The following CCNF variants were observed in gnomAD, a reference collection of about 807,000 sequenced individuals.
The protein encoded by CCNF is cyclin-F.
In CCNF, 30 loss-of-function variants were observed where a neutral mutation model predicts 85.4. The observed-to-expected ratio is 0.35, with a 90% confidence interval of 0.26 to 0.48. The LOEUF is 0.48. Among genes scored for constraint, CCNF ranks in the 20% least tolerant of loss-of-function variants. The pLI, the probability that CCNF is intolerant of heterozygous loss-of-function variation, is 0.99. For synonymous variants in CCNF, 439 were observed against 425.1 expected (o/e 1.03, Z -0.40); for missense variants, 919 against 1,010.4 (o/e 0.91, Z 1.23).
Position 2,456,304 on chromosome 16 carries a change from C to T in CCNF, c.1886-241C>T, listed in dbSNP as rs184457545. 9 of 457,938 alleles carry T rather than the reference C, an allele frequency of 2.0e-5. No homozygotes were observed. Among genetic ancestry groups the T allele is most frequent in the Admixed American group, 7.8e-5 (2 of 25,630 alleles). 28.4% of individuals were successfully genotyped at this position (457,938 alleles called of 1,614,324 possible). On this transcript the variant is annotated intron_variant, in intron 16 of 16. Transcript: ENST00000397066. The surrounding 1 kb of genome is among the most constrained non-coding windows in gnomAD (Gnocchi z 4.5). Reference sequence around the variant, plus strand: ...TCAGTTTCCCGGTTGCTTGCTTCTGCGTCCACTTGGCTTGAGCTAGATGGC... The same window carrying T: ...TCAGTTTCCCGGTTGCTTGCTTCTGTGTCCACTTGGCTTGAGCTAGATGGC...
chr16:2,432,852 C>A, intron 2 of CCNF, 109 bp from the exon 3 acceptor site: 1 of 598,486 alleles, frequency 1.7e-6, no homozygotes, highest in Non-Finnish European at 3.0e-6. Context: ...CTTGGGATGG[C>A]GAGGGAGACA....
At position 2,449,386 on chromosome 16, in the gene CCNF, C is replaced by T; in HGVS notation, c.1323C>T (p.His441=). The T allele has an allele frequency of 6.2e-7, 1 of 1,612,780 alleles. No homozygotes were observed. The highest frequency in any genetic ancestry group is 8.5e-7 in the Non-Finnish European group (1 of 1,179,970). The change falls in exon 12 of 17, where the codon CAC becomes CAT. Residue 441 remains histidine (H), a synonymous_variant. Transcript: ENST00000397066. ...CSFLCELSLL[H]TSLSAYAPAR... ...TCCTCTGCGAGCTCTCCCTGCTGCACACCAGCCTGTCCGCCTACGCCCCAG... is the reference window on the plus strand; with the variant it reads ...TCCTCTGCGAGCTCTCCCTGCTGCATACCAGCCTGTCCGCCTACGCCCCAG...
chr16:2,435,596 GATAT>G lies in CCNF; in HGVS notation c.279-197_279-194del, dbSNP rs57972250. ...CAAGACCCTGTCTCAGAGAGAGAGA[GATAT>G]ATATATATATATGCACACACACACA... On this transcript the variant is annotated intron_variant, in intron 3 of 16. Coordinates refer to ENST00000397066, the MANE Select transcript of CCNF (RefSeq NM_001761.3). Among the ~76,000 whole-genome samples the G allele has an allele frequency of 7.5e-4, 110 of 147,214 alleles. 3 individuals are homozygous for G. In the East Asian group the frequency reaches 8.7e-3, roughly 12 times the overall value.
intron 12 of CCNF, 143 bp from the exon 13 acceptor site, chr16:2,449,685 C>G: frequency 1.4e-6 from 1 of 724,930 alleles, no homozygotes. Context: ...GGATTGCAAC[C>G]CTGAGCTCCA....
In CCNF at chr16:2,453,255, C is replaced by T. The variant is rs374851448; in HGVS notation, c.1533C>T (p.Thr511=). ...APKDYRQVSL[T]AVKQRFEDKR... is the part of the protein sequence containing the mutation. ...AGGACTACAGGCAAGTCTCTCTGAC[C>T]GCCGTGAAGCAGCGGTTTGAGGACA... Residue 511 remains threonine, a synonymous_variant, in exon 14 of 17, where the codon ACC becomes ACT. Transcript: ENST00000397066. The surrounding 1 kb of genome is among the most constrained non-coding windows in gnomAD (Gnocchi z 5.6). The T allele has an allele frequency of 1.9e-5, 30 of 1,613,784 alleles. No homozygotes were observed. The highest frequency in any genetic ancestry group is 8.3e-5 in the Admixed American group (5 of 60,012).
At position 2,438,050 on chromosome 16, in the gene CCNF, T is replaced by G; in HGVS notation, c.541-20T>G. ...AGTTCTCTGTGCTGGAAATCACACT[T>G]CTTTCTCCTTTTTTTAAAGACTCAC... On this transcript the variant is annotated intron_variant, in intron 5 of 16. Transcript: ENST00000397066. 1 of 1,594,336 alleles carries G rather than the reference T, an allele frequency of 6.3e-7. No individual in the cohort carries two copies.
In CCNF at chr16:2,451,010, C is replaced by T. The variant is rs2065392151; in HGVS notation, c.1487+1095C>T. On this transcript the variant is annotated intron_variant, in intron 13 of 16. Coordinates refer to ENST00000397066, the MANE Select transcript of CCNF (RefSeq NM_001761.3). The surrounding 1 kb of genome is among the most constrained non-coding windows in gnomAD (Gnocchi z 4.3). The stretch of plus-strand genomic sequence containing the variant: ...GCCCCAGCCCCACTGGGCTTCCCTC[C>T]ACCTGCCCCGGCCCCTCCGCCCTTC... Among the ~76,000 whole-genome samples the T allele has an allele frequency of 6.6e-6, 1 of 152,252 alleles. No homozygotes were observed. The highest frequency in any genetic ancestry group is 1.5e-5 in the Non-Finnish European group (1 of 68,048).
At chr16:2,444,416 C>G (rs577655516) in intron 9 of CCNF, among the ~76,000 whole-genome samples, 3 of 149,468 alleles carry the variant, frequency 2.0e-5, no homozygotes, top group Non-Finnish European at 4.4e-5. Context: ...TCTCCTGCCT[C>G]AGCCTCCTCA....
intron 9 of CCNF, among the ~76,000 whole-genome samples, chr16:2,445,037 C>T (rs2065353831): frequency 6.6e-6 from 1 of 152,066 alleles, no homozygotes; most frequent in South Asian, 2.1e-4. Flanking sequence ...CAAGTGTCTC[C>T]ACTCTATTCA....
At chr16:2,434,030 G>T (rs1371272607) in intron 3 of CCNF, among the ~76,000 whole-genome samples, 1 of 152,220 alleles carries the variant, frequency 6.6e-6, no homozygotes, top group Non-Finnish European at 1.5e-5. Context: ...TAACTCAGCC[G>T]GGTGTGGCGT....
rs1361350367 is a variant in CCNF at position 2,457,289 on chromosome 16, C to T, written c.*269C>T. 2.8e-6 allele frequency: 1 copy of T among 353,252 alleles called. No individual in the cohort carries two copies. The highest frequency in any genetic ancestry group is 2.1e-5 in the African/African-American group (1 of 48,110). 21.9% of individuals were successfully genotyped at this position (353,252 alleles called of 1,614,324 possible). A position where few individuals can be genotyped will look rare whatever the true frequency, so the allele number is the denominator to read the frequency against. The stretch of plus-strand genomic sequence containing the variant: ...ACTGTGTGGAGGGCACCTCTCTGTC[C>T]CTTCCGTGTCTCACTGTCTCTGGAA... On this transcript the variant is annotated 3_prime_UTR_variant, in exon 17 of 17. Transcript: ENST00000397066.
rs1236007640 is a variant in CCNF, at chr16:2,451,935, C to T, written c.1488-1275C>T. On this transcript the variant is annotated intron_variant, in intron 13 of 16. Transcript: ENST00000397066. This position sits in a 1 kb window ranked among gnomAD's most constrained non-coding sequence, Gnocchi z 4.3. ...CCTTGACCTGCCACCCCCCTGCCAG[C>T]GTGACTCAGCCAACGGCCTGTTGCC... Among the ~76,000 whole-genome samples, 3 of 152,208 alleles carry T rather than the reference C, an allele frequency of 2.0e-5. No individual in the cohort carries two copies. The highest frequency in any genetic ancestry group is 3.2e-3 in the Middle Eastern group (1 of 316).
chr16:2,439,480 CG>C (rs757482931), intron 7 of CCNF, 23 bp downstream of exon 7: 5 of 1,537,134 alleles, frequency 3.3e-6, no homozygotes, highest in East Asian at 2.3e-5. Context: ...TGCTCTGGGT[CG>C]GGGGGAGTTA....
At position 2,453,258 on chromosome 16, in the gene CCNF, C is replaced by T. The variant is rs750937982; in HGVS notation, c.1536C>T (p.Ala512=). The change falls in exon 14 of 17, where the codon GCC becomes GCT. Residue 512 remains alanine, a synonymous_variant. Transcript: ENST00000397066. This position sits in a 1 kb window ranked among gnomAD's most constrained non-coding sequence, Gnocchi z 5.6. ...ACTACAGGCAAGTCTCTCTGACCGC[C>T]GTGAAGCAGCGGTTTGAGGACAAGC... is the stretch of plus-strand genomic sequence containing the variant. ...PKDYRQVSLT[A]VKQRFEDKRY... 17 of 1,613,804 alleles carry T rather than the reference C, an allele frequency of 1.1e-5. No homozygotes were observed. The highest frequency in any genetic ancestry group is 8.0e-5 in the African/African-American group (6 of 74,920).
chr16:2,455,311 G>A lies in CCNF; in HGVS notation c.1716-84G>A, dbSNP rs182817534. On this transcript the variant is annotated intron_variant, in intron 15 of 16. Coordinates refer to ENST00000397066, the MANE Select transcript of CCNF (RefSeq NM_001761.3). ...CACGTGGTGACAGGCTGGGGCACGC[G>A]GGTGTTAGAGGCAGGTGTGGAGGGC... 772 of 1,455,974 alleles carry A rather than the reference G, an allele frequency of 5.3e-4. 1 individual carries two copies. The highest frequency in any genetic ancestry group is 7.9e-4 in the East Asian group (32 of 40,412). The allele number at this position is 1,455,974 out of a possible 1,614,324, so 90.2% of individuals were successfully genotyped here. A position where few individuals can be genotyped will look rare whatever the true frequency, so the allele number is the denominator to read the frequency against.
intron 10 of CCNF, among the ~76,000 whole-genome samples, chr16:2,446,036 G>T (rs918279673): frequency 6.6e-6 from 1 of 152,174 alleles, no homozygotes; most frequent in Non-Finnish European, 1.5e-5. Flanking sequence ...GGCCCTCACT[G>T]GTTCTTGACT....
At chr16:2,447,064 G>T (rs549832018) in intron 10 of CCNF, among the ~76,000 whole-genome samples, 2 of 152,298 alleles carry the variant, frequency 1.3e-5, no homozygotes, top group South Asian at 2.1e-4. Flanking sequence ...CGACTGAGGA[G>T]GTCGGGCGGC....
chr16:2,438,403 C>T (rs536237460), intron 6 of CCNF, among the ~76,000 whole-genome samples: 1 of 152,158 alleles, frequency 6.6e-6, no homozygotes. Context: ...CGTCTGCTGG[C>T]CCTGCTCCTC....
In CCNF at chr16:2,455,475, C is replaced by G; in HGVS notation, c.1796C>G (p.Thr599Arg). The change falls in exon 16 of 17, where the codon ACG (threonine) becomes AGG (arginine). Residue 599 changes from threonine to arginine, a missense_variant. By Grantham distance (71) the Thr-to-Arg change is moderately conservative. Coordinates refer to ENST00000397066, the MANE Select transcript of CCNF (RefSeq NM_001761.3). ...GCGGAGCTGTCCAGCCAGGAGGAGA[C>G]GCTGCTGGGCAGCTTCCTCGACTGG... is the stretch of plus-strand genomic sequence containing the variant. ...PTAELSSQEE[T>R]LLGSFLDWSL... is the part of the protein sequence containing the mutation. 1 of 1,604,594 alleles carries G rather than the reference C, an allele frequency of 6.2e-7. No homozygotes were observed. Among genetic ancestry groups the G allele is most frequent in the South Asian group, 1.1e-5 (1 of 90,676 alleles).
Sources: gnomAD v4.1 joint callset for allele counts (sites outside exome capture counted in the v4.1 genomes callset) on GRCh38, gnomAD v4.1.1 for gene constraint, Gnocchi (gnomAD v3.1) non-coding constraint, MANE v1.5 for transcripts, NCBI Gene and HGNC (gene_info 2026-07-23, HGNC 2026-07-21) for gene names.